Variants in HHIPL2 observed in about 807,000 individuals in gnomAD.
HHIPL2 encodes HHIP-like protein 2.
Under a neutral mutation model 61.0 loss-of-function variants are expected in HHIPL2, and 61 were observed. The observed-to-expected ratio is 1.00, with a 90% CI of 0.81 to 1.24. HHIPL2 has a LOEUF of 1.24. Among genes scored for constraint, HHIPL2 ranks in the 50% most tolerant of loss-of-function variants. The probability of loss-of-function intolerance (pLI) is 0.00; values close to 1 mark genes in which losing one functional copy is unlikely to be tolerated. For missense variants in HHIPL2, 885 were observed against 910.2 expected (o/e 0.97, Z 0.36); for synonymous variants, 343 against 357.4 (o/e 0.96, Z 0.45).
At chr1:222,538,235 T>TGTGTGC (rs1282238633) in intron 5 of HHIPL2, among the ~76,000 whole-genome samples, 1 of 150,632 alleles carries the variant, frequency 6.6e-6, no homozygotes, top group Non-Finnish European at 1.5e-5. Context: ...TGTGTGTGTG[T>TGTGTGC]GTGTGTGTGT....
chr1:222,522,475 A>G lies in HHIPL2; in HGVS notation c.*126T>C, dbSNP rs1223116902. ...ACAGCAAGATTTCCCAGGGAGAGGA[A>G]AACCGCCCTGCCCCACCTCTACCCT... On this transcript the variant is annotated 3_prime_UTR_variant, in exon 9 of 9. Coordinates refer to ENST00000343410, the MANE Select transcript of HHIPL2 (RefSeq NM_024746.4). 2 of 990,764 alleles carry G rather than the reference A, an allele frequency of 2.0e-6. No homozygotes were observed. Among genetic ancestry groups the G allele is most frequent in the East Asian group, 4.8e-5 (2 of 41,780 alleles). The allele number at this position is 990,764 out of a possible 1,614,324, so 61.4% of individuals were successfully genotyped here.
intron 5 of HHIPL2, among the ~76,000 whole-genome samples, chr1:222,535,430 C>T (rs758341280): frequency 6.6e-6 from 1 of 152,126 alleles, no homozygotes; most frequent in Non-Finnish European, 1.5e-5. Flanking sequence ...AACAAATCAC[C>T]TCAACTACAA....
intron 6 of HHIPL2, among the ~76,000 whole-genome samples, chr1:222,528,124 A>G (rs1428861295): frequency 6.6e-6 from 1 of 152,196 alleles, no homozygotes; most frequent in Admixed American, 6.5e-5. Flanking sequence ...TTTGTGAGGG[A>G]CATTATGCTA....
At chr1:222,526,460 C>A in intron 7 of HHIPL2, among the ~76,000 whole-genome samples, 1 of 151,260 alleles carries the variant, frequency 6.6e-6, no homozygotes, top group South Asian at 2.1e-4. Flanking sequence ...AATCCCAGCA[C>A]TTTGGGAGAC....
rs1658998488 is a variant in HHIPL2 at position 222,523,515 on chromosome 1, A to G, written c.1888+97T>C. The G allele has an allele frequency of 2.6e-5, 29 of 1,130,878 alleles. No homozygotes were observed. The South Asian group carries it at 3.6e-4, about 14-fold the overall frequency. The allele number at this position is 1,130,878 out of a possible 1,614,324, so 70.1% of individuals were successfully genotyped here. A position where few individuals can be genotyped will look rare whatever the true frequency, so the allele number is the denominator to read the frequency against. ...TAGACTTAGTTTCCCTCAGGGGGTAACTAAGACTCCACCATGGGAATTATA... is the reference window on the plus strand; with the variant it reads ...TAGACTTAGTTTCCCTCAGGGGGTAGCTAAGACTCCACCATGGGAATTATA... On this transcript the variant is annotated intron_variant, in intron 8 of 8. Transcript: ENST00000343410.
Position 222,547,851 on chromosome 1 carries a change from T to C in HHIPL2, c.194A>G (p.Glu65Gly), listed in dbSNP as rs531218603. The change falls in exon 1 of 9, where the codon GAG becomes GGG. Residue 65 changes from glutamate to glycine, a missense_variant. Glu to Gly is a moderately conservative substitution (Grantham distance 98). Coordinates refer to ENST00000343410, the MANE Select transcript of HHIPL2 (RefSeq NM_024746.4). ...PLHLEFCSDY[E>G]SFGCCDQHKD... ...GTGCTGATCACAGCAGCCGAAGGACTCATAGTCAGAGCAAAACTCAAGGTG... is the reference window on the plus strand; with the variant it reads ...GTGCTGATCACAGCAGCCGAAGGACCCATAGTCAGAGCAAAACTCAAGGTG... 12 of 1,614,092 alleles carry C rather than the reference T, an allele frequency of 7.4e-6. No homozygotes were observed. Among genetic ancestry groups the C allele is most frequent in the Non-Finnish European group, 1.0e-5 (12 of 1,180,010 alleles).
intron 5 of HHIPL2, among the ~76,000 whole-genome samples, chr1:222,537,685 A>C (rs1202275277): frequency 6.6e-6 from 1 of 152,042 alleles, no homozygotes; most frequent in Non-Finnish European, 1.5e-5. Flanking sequence ...CTTCTAATAA[A>C]ATTATGTTCC....
chr1:222,537,326 T>C (rs941363595), intron 5 of HHIPL2, among the ~76,000 whole-genome samples: 10 of 151,316 alleles, frequency 6.6e-5, no homozygotes, highest in African/African-American at 2.2e-4. Context: ...ATTGGTGTGA[T>C]GTTACTGTGT....
intron 3 of HHIPL2, 117 bp from the exon 4 acceptor site, chr1:222,540,458 A>G: frequency 1.3e-6 from 1 of 760,996 alleles, no homozygotes; most frequent in Non-Finnish European, 2.1e-6. Context: ...TAAGGATCCC[A>G]TGGGAAGATT....
intron 6 of HHIPL2, among the ~76,000 whole-genome samples, chr1:222,530,976 AC>A (rs1313874498): frequency 2.0e-5 from 3 of 152,136 alleles, no homozygotes; most frequent in African/African-American, 7.2e-5. Context: ...GTGAAACATA[AC>A]TTATGTAAAG....
chr1:222,534,589 A>AT, intron 5 of HHIPL2, among the ~76,000 whole-genome samples: 1 of 151,564 alleles, frequency 6.6e-6, no homozygotes, highest in Non-Finnish European at 1.5e-5. Flanking sequence ...AAAAAAAAAA[A>AT]AAAAAAAAAT....
chr1:222,541,314 A>G (rs987061188), intron 3 of HHIPL2, among the ~76,000 whole-genome samples: 4 of 152,192 alleles, frequency 2.6e-5, no homozygotes, highest in African/African-American at 7.2e-5. Context: ...GCAAGACAGC[A>G]TCACTGGGCT....
chr1:222,539,871 G>C, intron 4 of HHIPL2, 139 bp downstream of exon 4: 1 of 693,006 alleles, frequency 1.4e-6, no homozygotes, highest in Non-Finnish European at 2.4e-6. Flanking sequence ...GGACCGGTTG[G>C]AGAAGCACTA....
In HHIPL2 at chr1:222,548,052, T is replaced by G; in HGVS notation, c.-8A>C. The stretch of plus-strand genomic sequence containing the variant: ...AGTGGACGTTCTCAGCATTTTGGCC[T>G]TGGGAACACTCGGGCTGCTGTGTTT... On this transcript the variant is annotated 5_prime_UTR_variant, in exon 1 of 9. Transcript: ENST00000343410. The G allele has an allele frequency of 6.5e-7, 1 of 1,540,492 alleles. No homozygotes were observed. The highest frequency in any genetic ancestry group is 8.8e-7 in the Non-Finnish European group (1 of 1,140,568).
intron 6 of HHIPL2, among the ~76,000 whole-genome samples, chr1:222,531,318 G>A (rs796663912): frequency 4.0e-4 from 61 of 152,274 alleles, no homozygotes; most frequent in African/African-American, 1.3e-3. Flanking sequence ...AGTCTGGCCC[G>A]CTGTTGGCCC....
At chr1:222,535,285 A>G (rs988213302) in intron 5 of HHIPL2, among the ~76,000 whole-genome samples, 3 of 152,250 alleles carry the variant, frequency 2.0e-5, no homozygotes, top group African/African-American at 7.2e-5. Flanking sequence ...AAAACAATTC[A>G]TCACTATAGA....
At chr1:222,537,333 G>C (rs566420122) in intron 5 of HHIPL2, among the ~76,000 whole-genome samples, 1 of 151,038 alleles carries the variant, frequency 6.6e-6, no homozygotes, top group East Asian at 1.9e-4. Context: ...TGATGTTACT[G>C]TGTAACATCA....
intron 1 of HHIPL2, 41 bp from the exon 2 acceptor site, chr1:222,544,230 C>A: frequency 6.4e-7 from 1 of 1,567,284 alleles, no homozygotes; most frequent in South Asian, 1.1e-5. Context: ...ATCAGACCTG[C>A]CACACCGGCA....
At position 222,531,965 on chromosome 1, in the gene HHIPL2, C is replaced by T. The variant is rs781629696; in HGVS notation, c.1723+1G>A. 5.6e-6 allele frequency: 9 copies of T among 1,600,400 alleles called. No individual in the cohort carries two copies. The South Asian group carries it at 1.0e-4, about 18-fold the overall frequency. Reference sequence around the variant, plus strand: ...ATCAAACAACTCTGTACATTTGTTACCTGCTTCATCTTCAGCAAAGGAGAT... The same window carrying T: ...ATCAAACAACTCTGTACATTTGTTATCTGCTTCATCTTCAGCAAAGGAGAT... On this transcript the variant is annotated splice_donor_variant, in intron 6 of 8. Coordinates refer to ENST00000343410, the MANE Select transcript of HHIPL2 (RefSeq NM_024746.4). LOFTEE classifies it high-confidence loss of function.
Sources: gnomAD v4.1 joint callset for allele counts (sites outside exome capture counted in the v4.1 genomes callset) on GRCh38, gnomAD v4.1.1 for gene constraint, MANE v1.5 for transcripts, NCBI Gene and HGNC (gene_info 2026-07-23, HGNC 2026-07-21) for gene names.